CTNNA2: variants seen among roughly 807,000 people sequenced by gnomAD.
CTNNA2 encodes catenin alpha 2.
Under a neutral mutation model 101.0 loss-of-function variants are expected in CTNNA2, and 42 were observed. The ratio of observed to expected loss-of-function variants is 0.42; its 90% CI spans 0.32 to 0.54. The LOEUF (loss-of-function observed/expected upper bound fraction) is 0.54. Ranked by LOEUF, CTNNA2 falls within the 20% of genes least tolerant of loss-of-function variation. The probability of loss-of-function intolerance (pLI) is 0.14; values close to 1 mark genes in which losing one functional copy is unlikely to be tolerated. For missense variants in CTNNA2, 871 were observed against 1,223.1 expected (o/e 0.71, Z 4.29); for synonymous variants, 450 against 456.4 (o/e 0.99, Z 0.18).
intron 7 of CTNNA2, among the ~76,000 whole-genome samples, chr2:80,389,947 A>G (rs1338068719): frequency 2.6e-5 from 4 of 152,222 alleles, no homozygotes; most frequent in Admixed American, 2.6e-4. Flanking sequence ...GATTAATGTT[A>G]CCAGAGATTC....
At position 79,218,066 on chromosome 2, in the gene CTNNA2, G is replaced by C. The variant is rs1246628973; in HGVS notation, c.-406+19990G>C. ...CTTAAAGTGTTGCAATCCCACAAAA[G>C]CCTCCCATGCTTCCTCCATTTTAGA... On this transcript the variant is annotated intron_variant, in intron 2 of 21. Coordinates refer to the CTNNA2 transcript ENST00000466387. Among the ~76,000 whole-genome samples, 23 of 152,154 alleles carry C rather than the reference G, an allele frequency of 1.5e-4. 1 individual carries two copies. Among genetic ancestry groups the C allele is most frequent in the Non-Finnish European group, 5.9e-5 (4 of 68,020 alleles).
At chr2:79,715,071 G>A (rs1300681540) in intron 2 of CTNNA2, among the ~76,000 whole-genome samples, 13 of 151,450 alleles carry the variant, frequency 8.6e-5, no homozygotes, top group Non-Finnish European at 1.9e-4. Flanking sequence ...ACCAGGCGTG[G>A]TGGTGGATGC....
intron 4 of CTNNA2, among the ~76,000 whole-genome samples, chr2:79,447,029 AAAAG>A (rs1455113641): frequency 1.3e-5 from 2 of 152,084 alleles, no homozygotes; most frequent in Non-Finnish European, 2.9e-5. Context: ...AGTTCCAAAT[AAAAG>A]AAAGAGCCAG....
At chr2:80,258,510 G>A (rs1311965477) in intron 7 of CTNNA2, among the ~76,000 whole-genome samples, 1 of 152,122 alleles carries the variant, frequency 6.6e-6, no homozygotes, top group African/African-American at 2.4e-5. Flanking sequence ...GTGGAGATGG[G>A]AGTGAGATTA....
intron 9 of CTNNA2, among the ~76,000 whole-genome samples, chr2:80,498,109 G>A (rs1687609942): frequency 6.6e-6 from 1 of 151,796 alleles, no homozygotes; most frequent in South Asian, 2.1e-4. Context: ...AAGTCTCTTA[G>A]TTAATAAACA....
chr2:80,334,393 T>C (rs1276402065), intron 7 of CTNNA2, among the ~76,000 whole-genome samples: 1 of 152,192 alleles, frequency 6.6e-6, no homozygotes, highest in Non-Finnish European at 1.5e-5. Flanking sequence ...TTTGCATGAC[T>C]CTCCCCTTAA....
intron 2 of CTNNA2, among the ~76,000 whole-genome samples, chr2:79,282,248 T>A (rs534909075): frequency 1.6e-4 from 24 of 152,260 alleles, no homozygotes; most frequent in African/African-American, 5.1e-4. Context: ...AATCTTTTTT[T>A]AAAATTTGTT....
At chr2:80,569,633 G>GTTTTTTTTTTTTT (rs70940088) in intron 12 of CTNNA2, among the ~76,000 whole-genome samples, 934 of 51,692 alleles carry the variant, frequency 0.018, 232 homozygotes, top group Non-Finnish European at 0.025. Context: ...GGGTATTTAG[G>GTTTTTTTTTTTTT]TTTTTTTTTT....
intron 2 of CTNNA2, among the ~76,000 whole-genome samples, chr2:79,305,150 T>C (rs930433031): frequency 3.3e-5 from 5 of 151,886 alleles, no homozygotes; most frequent in African/African-American, 1.2e-4. Context: ...GAAGAAAATG[T>C]CAAGTGATTA....
intron 2 of CTNNA2, among the ~76,000 whole-genome samples, chr2:79,218,013 C>G (rs1370763316): frequency 6.6e-6 from 1 of 152,126 alleles, no homozygotes; most frequent in Non-Finnish European, 1.5e-5. Flanking sequence ...AAATAAAAAC[C>G]TATTTCTTCC....
Position 79,608,035 on chromosome 2 carries a change from G to A in CTNNA2, c.-5-43517G>A, listed in dbSNP as rs74635040. On this transcript the variant is annotated intron_variant, in intron 1 of 18. Transcript: ENST00000402739. ...AAGTCTCTAGCCAGACTTAGAGGGG[G>A]GCGAAAAGTAGAAAGATTCAAATTA... Among the ~76,000 whole-genome samples the A allele has an allele frequency of 7.3e-3, 1,111 of 151,644 alleles. 60 individuals are homozygous for A. The East Asian group carries it at 0.12, about 16-fold the overall frequency.
chr2:79,760,614 A>G (rs909687569), intron 3 of CTNNA2, among the ~76,000 whole-genome samples: 1 of 152,180 alleles, frequency 6.6e-6, no homozygotes, highest in Non-Finnish European at 1.5e-5. Context: ...AATGTCTAGA[A>G]AGCAACAACT....
intron 9 of CTNNA2, among the ~76,000 whole-genome samples, chr2:80,498,326 A>T (rs890129472): frequency 1.3e-5 from 2 of 152,220 alleles, no homozygotes; most frequent in African/African-American, 2.4e-5. Flanking sequence ...TTCGTGGAGC[A>T]ATTACTTTGT....
At chr2:80,457,346 G>A (rs1439986970) in intron 9 of CTNNA2, among the ~76,000 whole-genome samples, 1 of 152,090 alleles carries the variant, frequency 6.6e-6, no homozygotes, top group Non-Finnish European at 1.5e-5. Context: ...TTACAGGCGT[G>A]AGTCACTGTG....
At chr2:80,273,082 G>A (rs887203758) in intron 7 of CTNNA2, among the ~76,000 whole-genome samples, 7 of 152,120 alleles carry the variant, frequency 4.6e-5, no homozygotes, top group East Asian at 3.9e-4. Context: ...GTACTCACAC[G>A]CCTGGCAGAA....
intron 3 of CTNNA2, among the ~76,000 whole-genome samples, chr2:79,796,621 A>T (rs774921406): frequency 1.1e-4 from 16 of 152,154 alleles, no homozygotes; most frequent in Non-Finnish European, 2.2e-4. Context: ...TGCCCATCAG[A>T]TGGAGCTGTC....
chr2:79,317,195 T>G (rs1024157594), intron 3 of CTNNA2, among the ~76,000 whole-genome samples: 1 of 152,064 alleles, frequency 6.6e-6, no homozygotes, highest in Admixed American at 6.5e-5. Flanking sequence ...GTTCTACTGA[T>G]GTGGTGCATT....
chr2:79,341,280 T>C (rs1677131497), intron 3 of CTNNA2, among the ~76,000 whole-genome samples: 1 of 152,104 alleles, frequency 6.6e-6, no homozygotes, highest in Non-Finnish European at 1.5e-5. Context: ...TAAAAATAAG[T>C]GAGCAATTAA....
intron 7 of CTNNA2, among the ~76,000 whole-genome samples, chr2:80,146,932 G>A (rs1402843346): frequency 2.0e-5 from 2 of 97,750 alleles, no homozygotes; most frequent in East Asian, 5.6e-4. Flanking sequence ...TTTGTATTTT[G>A]TATTTTATTT....
Sources: gnomAD v4.1 joint callset for allele counts (sites outside exome capture counted in the v4.1 genomes callset) on GRCh38, gnomAD v4.1.1 for gene constraint, MANE v1.5 for transcripts, NCBI Gene and HGNC (gene_info 2026-07-23, HGNC 2026-07-21) for gene names.